Variants in ESRRG observed in about 807,000 individuals in gnomAD.
The protein encoded by ESRRG is estrogen-related receptor gamma.
ESRRG carries 13 observed loss-of-function variants against 44.0 expected under a neutral mutation model. The observed-to-expected ratio is 0.30, with a 90% CI of 0.19 to 0.47. ESRRG has a LOEUF of 0.47. Ranked by LOEUF, ESRRG falls within the 20% of genes least tolerant of loss-of-function variation. ESRRG has a pLI of 1.00. For synonymous variants in ESRRG, 215 were observed against 214.6 expected (o/e 1.00, Z -0.02); for missense variants, 395 against 580.6 (o/e 0.68, Z 3.29).
chr1:216,961,143 C>A (rs1235968243), intron 1 of ESRRG, among the ~76,000 whole-genome samples: 1 of 152,118 alleles, frequency 6.6e-6, no homozygotes, highest in African/African-American at 2.4e-5. Context: ...TGGAATCTAA[C>A]AAAGTAAATT....
chr1:216,738,477 T>G (rs2090256569), intron 2 of ESRRG, among the ~76,000 whole-genome samples: 1 of 152,170 alleles, frequency 6.6e-6, no homozygotes, highest in Non-Finnish European at 1.5e-5. Flanking sequence ...AAAACAGATG[T>G]GAAATGGTTA....
chr1:216,723,390 G>T lies in ESRRG; in HGVS notation c.-91C>A. On this transcript the variant is annotated 5_prime_UTR_variant, in exon 1 of 7. Transcript: ENST00000408911. ...TGCAATTAACACAAATGTTCTCCTA[G>T]TGACAAGCCTATAGGCACAGCCAGT... is the stretch of plus-strand genomic sequence containing the variant. The T allele has an allele frequency of 8.0e-7, 1 of 1,252,234 alleles. No homozygotes were observed. Among genetic ancestry groups the T allele is most frequent in the Non-Finnish European group, 1.2e-6 (1 of 855,382 alleles). 77.6% of individuals were successfully genotyped at this position (1,252,234 alleles called of 1,614,324 possible).
intron 1 of ESRRG, among the ~76,000 whole-genome samples, chr1:217,051,215 G>GGC (rs1446856510): frequency 2.5e-5 from 3 of 118,742 alleles, no homozygotes; most frequent in South Asian, 3.6e-4. Flanking sequence ...GGGGGGGGGG[G>GGC]GTGCCAGGGG....
At chr1:216,799,932 G>C (rs1465013540) in intron 2 of ESRRG, among the ~76,000 whole-genome samples, 2 of 152,102 alleles carry the variant, frequency 1.3e-5, no homozygotes, top group African/African-American at 4.8e-5. Flanking sequence ...CTTGAGGAAG[G>C]GGAGTCTCCC....
chr1:216,774,454 GT>G (rs1210817329), intron 2 of ESRRG, among the ~76,000 whole-genome samples: 27 of 152,180 alleles, frequency 1.8e-4, no homozygotes, highest in African/African-American at 6.3e-4. Context: ...AGTCTCCTCT[GT>G]ACATCAGTCA....
At position 216,519,399 on chromosome 1, in the gene ESRRG, C is replaced by T. The variant is rs10863247; in HGVS notation, c.885G>A (p.Ala295=). 0.017 allele frequency: 26,963 copies of T among 1,612,142 alleles called. 3,566 individuals are homozygous for T. The African/African-American group carries it at 0.3, about 18-fold the overall frequency. Residue 295 remains alanine (A), a synonymous_variant, in exon 6 of 7, where the codon GCG becomes GCA. Transcript: ENST00000408911. ...HIPGFSTLSL[A]DQMSLLQSAW... is the part of the protein sequence containing the mutation. ...CACTCTGCAGAAGGCTCATCTGGTC[C>T]GCCAGGGACAGCGTGGAGAAGCCTG...
intron 2 of ESRRG, among the ~76,000 whole-genome samples, chr1:216,653,887 G>A (rs2069663838): frequency 6.6e-6 from 1 of 151,846 alleles, no homozygotes; most frequent in Non-Finnish European, 1.5e-5. Context: ...GCCGAGGCAG[G>A]TGAATCACTT....
intron 2 of ESRRG, among the ~76,000 whole-genome samples, chr1:216,651,547 A>T (rs751209511): frequency 6.6e-6 from 1 of 152,180 alleles, no homozygotes; most frequent in Non-Finnish European, 1.5e-5. Flanking sequence ...ACTGTGGAAA[A>T]TGATATGTAA....
In ESRRG at chr1:216,522,255, CTTTTTTTTTTTTT is replaced by C. The variant is rs71161437; in HGVS notation, c.863-2847_863-2835del. ...GAAAAAAGGGGAAGAAACAGCTCTC[CTTTTTTTTTTTTT>C]TTTTTTTTTTTTTTTTGGTGAGGGA... is the stretch of plus-strand genomic sequence containing the variant. On this transcript the variant is annotated intron_variant, in intron 5 of 6. Coordinates refer to ENST00000408911, the MANE Select transcript of ESRRG (RefSeq NM_001438.4). 1.0e-4 allele frequency among the ~76,000 whole-genome samples: 3 copies of C among 29,262 alleles called. No individual in the cohort carries two copies. In the Admixed American group the frequency reaches 2.0e-3, roughly 19 times the overall value. 19.2% of individuals were successfully genotyped at this position (29,262 alleles called of 152,430 possible).
At chr1:217,082,098 C>A (rs147256419) in intron 1 of ESRRG, among the ~76,000 whole-genome samples, 18 of 152,344 alleles carry the variant, frequency 1.2e-4, no homozygotes, top group African/African-American at 4.1e-4. Flanking sequence ...AGCTGCCCTG[C>A]AACTACTTCA....
At chr1:216,824,341 A>G (rs935625556) in intron 2 of ESRRG, among the ~76,000 whole-genome samples, 3 of 152,082 alleles carry the variant, frequency 2.0e-5, no homozygotes, top group Admixed American at 6.6e-5. Context: ...AGCTACTCAG[A>G]AGGCTAAGGC....
At chr1:217,107,372 T>C (rs17045235) in intron 1 of ESRRG, among the ~76,000 whole-genome samples, 27,639 of 152,188 alleles carry the variant, frequency 0.18, 3,032 homozygotes, top group African/African-American at 0.3. Flanking sequence ...AGCATTCAGG[T>C]GACAACAATA....
Position 217,014,604 on chromosome 1 carries a change from C to T in ESRRG, c.-106+74903G>A, listed in dbSNP as rs146610689. Among the ~76,000 whole-genome samples the T allele has an allele frequency of 1.6e-3, 249 of 152,282 alleles. 1 individual carries two copies. Among genetic ancestry groups the T allele is most frequent in the African/African-American group, 5.5e-3 (228 of 41,554 alleles). On this transcript the variant is annotated intron_variant, in intron 1 of 7. Transcript: ENST00000359162. The stretch of plus-strand genomic sequence containing the variant: ...AAAGTAATAAAAGGCATCCAACAGT[C>T]ATCCCAAAGAAACATTCAACTAGTG...
At chr1:217,023,448 G>A (rs2080683513) in intron 1 of ESRRG, among the ~76,000 whole-genome samples, 1 of 152,148 alleles carries the variant, frequency 6.6e-6, no homozygotes. Context: ...GAAGTTTGAT[G>A]TGCCACGAAG....
intron 2 of ESRRG, among the ~76,000 whole-genome samples, chr1:216,891,846 C>T (rs932839357): frequency 7.4e-6 from 1 of 134,658 alleles, no homozygotes; most frequent in African/African-American, 2.9e-5. Context: ...CTTGCCCAGG[C>T]TAGAGTGCAG....
chr1:216,706,470 TTGTC>T (rs940704961), intron 1 of ESRRG, among the ~76,000 whole-genome samples: 46 of 152,306 alleles, frequency 3.0e-4, no homozygotes, highest in African/African-American at 1.1e-3. Flanking sequence ...CAATAGTTCT[TTGTC>T]TGATATTTCT....
intron 5 of ESRRG, among the ~76,000 whole-genome samples, chr1:216,544,220 T>C (rs2053767451): frequency 1.3e-5 from 2 of 152,092 alleles, no homozygotes. Flanking sequence ...AGAGTAATAA[T>C]AATTCAGAAC....
At chr1:216,912,942 TGA>T (rs1376004285) in intron 2 of ESRRG, among the ~76,000 whole-genome samples, 1 of 151,762 alleles carries the variant, frequency 6.6e-6, no homozygotes, top group African/African-American at 2.4e-5. Flanking sequence ...GCCAACATGA[TGA>T]AACCTCGTCT....
At chr1:216,521,165 G>T (rs2045974988) in intron 5 of ESRRG, among the ~76,000 whole-genome samples, 1 of 152,008 alleles carries the variant, frequency 6.6e-6, no homozygotes, top group African/African-American at 2.4e-5. Context: ...TTCTTATTCT[G>T]CTTTTGTCAT....
Sources: gnomAD v4.1 joint callset for allele counts (sites outside exome capture counted in the v4.1 genomes callset) on GRCh38, gnomAD v4.1.1 for gene constraint, MANE v1.5 for transcripts, NCBI Gene and HGNC (gene_info 2026-07-23, HGNC 2026-07-21) for gene names.